PTPRG: variants seen among roughly 807,000 people sequenced by gnomAD.
PTPRG encodes receptor-type tyrosine-protein phosphatase gamma.
PTPRG carries 102 observed loss-of-function variants against 165.3 expected under a neutral mutation model. The observed-to-expected ratio is 0.62, with a 90% CI of 0.53 to 0.73. The LOEUF (loss-of-function observed/expected upper bound fraction) is 0.73, where lower values mean the gene tolerates loss of function less well. PTPRG is among the 30% of genes least tolerant of loss of function. The pLI, the probability that PTPRG is intolerant of heterozygous loss-of-function variation, is 0.00. For missense variants in PTPRG, 1,866 were observed against 1,861.4 expected (o/e 1.00, Z -0.05); for synonymous variants, 675 against 669.5 (o/e 1.01, Z -0.13).
intron 1 of PTPRG, among the ~76,000 whole-genome samples, chr3:61,704,570 A>C (rs149983436): frequency 2.6e-5 from 4 of 151,928 alleles, no homozygotes; most frequent in Non-Finnish European, 5.9e-5. Flanking sequence ...GAGGGGCAAA[A>C]TCACCCCCCA....
rs543667407 is a variant in PTPRG at position 62,081,094 on chromosome 3, A to G, written c.615+2836A>G. Among the ~76,000 whole-genome samples, 22 of 151,854 alleles carry G rather than the reference A, an allele frequency of 1.4e-4. No individual in the cohort carries two copies. In the South Asian group the frequency reaches 3.8e-3, roughly 26 times the overall value. On this transcript the variant is annotated intron_variant, in intron 5 of 29. Transcript: ENST00000474889. Reference sequence around the variant, plus strand: ...AACACGGTGAAACCCCATCTCTACTAAAAATACAAAAAATTAGCCGGGCGT... The same window carrying G: ...AACACGGTGAAACCCCATCTCTACTGAAAATACAAAAAATTAGCCGGGCGT...
intron 2 of PTPRG, among the ~76,000 whole-genome samples, chr3:61,885,917 T>C (rs373189214): frequency 8.6e-5 from 13 of 150,922 alleles, no homozygotes; most frequent in African/African-American, 2.7e-4. Context: ...TAGATTCTTA[T>C]TCAGCCAGCT....
chr3:61,799,486 C>G (rs1328067055), intron 2 of PTPRG, among the ~76,000 whole-genome samples: 1 of 152,140 alleles, frequency 6.6e-6, no homozygotes, highest in Non-Finnish European at 1.5e-5. Context: ...GCGACAGTTT[C>G]TCAGACTTTC....
intron 2 of PTPRG, among the ~76,000 whole-genome samples, chr3:61,886,168 C>T (rs115303353): frequency 6.4e-4 from 98 of 152,172 alleles, no homozygotes; most frequent in African/African-American, 2.3e-3. Flanking sequence ...CTGCTCGATC[C>T]TTCCTTCCAA....
At position 62,196,829 on chromosome 3, in the gene PTPRG, A is replaced by G. The variant is rs1240424515; in HGVS notation, c.1327+1659A>G. Reference sequence around the variant, plus strand: ...TGATGAAGGTTTGGACATTTTCCCTACAAAGTGCTAGAATTTTGCATACAA... The same window carrying G: ...TGATGAAGGTTTGGACATTTTCCCTGCAAAGTGCTAGAATTTTGCATACAA... On this transcript the variant is annotated intron_variant, in intron 10 of 29. Transcript: ENST00000474889. Among the ~76,000 whole-genome samples the G allele has an allele frequency of 3.9e-5, 6 of 152,322 alleles. 1 individual carries two copies. In the East Asian group the frequency reaches 9.7e-4, roughly 25 times the overall value.
intron 1 of PTPRG, among the ~76,000 whole-genome samples, chr3:61,721,002 G>A (rs954684158): frequency 6.6e-6 from 1 of 152,108 alleles, no homozygotes; most frequent in Admixed American, 6.6e-5. Flanking sequence ...CTATTTGCTG[G>A]CACTTAATCA....
intron 1 of PTPRG, among the ~76,000 whole-genome samples, chr3:61,566,997 A>C (rs1195903936): frequency 6.6e-6 from 1 of 152,230 alleles, no homozygotes; most frequent in Admixed American, 6.5e-5. Context: ...CACATTCCAT[A>C]ACCCGGAGCT....
intron 1 of PTPRG, among the ~76,000 whole-genome samples, chr3:61,591,405 G>T (rs907641776): frequency 6.6e-6 from 1 of 152,198 alleles, no homozygotes; most frequent in African/African-American, 2.4e-5. Context: ...GGATGAGCTT[G>T]CTGTGATAAT....
At chr3:61,964,677 T>G (rs1405688594) in intron 2 of PTPRG, among the ~76,000 whole-genome samples, 1 of 152,104 alleles carries the variant, frequency 6.6e-6, no homozygotes, top group African/African-American at 2.4e-5. Flanking sequence ...CTTCACCACT[T>G]TTTTCCACTC....
At chr3:62,138,348 T>A (rs1703794586) in intron 6 of PTPRG, among the ~76,000 whole-genome samples, 1 of 152,212 alleles carries the variant, frequency 6.6e-6, no homozygotes, top group Admixed American at 6.5e-5. Context: ...GTTGCAAATA[T>A]GAACAGTGCA....
At position 61,813,905 on chromosome 3, in the gene PTPRG, T is replaced by TTG. The variant is rs1553673997; in HGVS notation, c.190+64923_190+64924insTG. Among the ~76,000 whole-genome samples the TTG allele has an allele frequency of 4.7e-3, 697 of 147,244 alleles. 5 individuals are homozygous for TTG. Among genetic ancestry groups the TTG allele is most frequent in the African/African-American group, 8.0e-3 (319 of 39,852 alleles). On this transcript the variant is annotated intron_variant, in intron 2 of 29. Transcript: ENST00000474889. ...GAGATACTGGCTTTTTTTTTTTTTT[T>TTG]GGGGGGGGTTGGAGTCTCGCTCTGT...
chr3:62,133,801 A>G (rs1703605121), intron 6 of PTPRG, among the ~76,000 whole-genome samples: 1 of 152,104 alleles, frequency 6.6e-6, no homozygotes, highest in Admixed American at 6.5e-5. Flanking sequence ...CCTGGCCAAC[A>G]TGGTGAGACT....
chr3:61,679,490 T>G (rs893884366), intron 1 of PTPRG, among the ~76,000 whole-genome samples: 8 of 152,134 alleles, frequency 5.3e-5, no homozygotes, highest in Non-Finnish European at 8.8e-5. Context: ...TCTCATTAGA[T>G]TCCAGTGAAT....
At chr3:61,627,281 C>G (rs936197773) in intron 1 of PTPRG, among the ~76,000 whole-genome samples, 2 of 152,008 alleles carry the variant, frequency 1.3e-5, no homozygotes, top group Non-Finnish European at 2.9e-5. Context: ...CTGGAACTTG[C>G]TTTAGGATAA....
chr3:62,176,722 C>G (rs964545456), intron 8 of PTPRG, among the ~76,000 whole-genome samples: 1 of 151,916 alleles, frequency 6.6e-6, no homozygotes, highest in Non-Finnish European at 1.5e-5. Context: ...TGATCTGTAC[C>G]GTGGGGCCAT....
intron 6 of PTPRG, among the ~76,000 whole-genome samples, chr3:62,149,409 G>A (rs981038258): frequency 6.6e-6 from 1 of 151,758 alleles, no homozygotes; most frequent in South Asian, 2.1e-4. Context: ...AACAAGCTGG[G>A]ACTACAGGCA....
chr3:62,135,633 G>A (rs930392035), intron 6 of PTPRG, among the ~76,000 whole-genome samples: 4 of 152,104 alleles, frequency 2.6e-5, no homozygotes, highest in African/African-American at 9.7e-5. Context: ...GGTCATTAGG[G>A]TCCTCTCTTA....
At chr3:62,135,948 G>A (rs1002329094) in intron 6 of PTPRG, among the ~76,000 whole-genome samples, 9 of 152,136 alleles carry the variant, frequency 5.9e-5, no homozygotes, top group African/African-American at 1.2e-4. Context: ...TGGCTGGAGC[G>A]TCCCAGCAAG....
At chr3:61,629,753 T>A (rs953124605) in intron 1 of PTPRG, among the ~76,000 whole-genome samples, 1 of 152,200 alleles carries the variant, frequency 6.6e-6, no homozygotes, top group African/African-American at 2.4e-5. Flanking sequence ...TTACTGTAGA[T>A]TCTTTAGAAA....
Sources: gnomAD v4.1 joint callset for allele counts (sites outside exome capture counted in the v4.1 genomes callset) on GRCh38, gnomAD v4.1.1 for gene constraint, MANE v1.5 for transcripts, NCBI Gene and HGNC (gene_info 2026-07-23, HGNC 2026-07-21) for gene names.